Variants in NFYA observed in about 807,000 individuals in gnomAD.
NFYA encodes the protein nuclear transcription factor Y subunit alpha, also known as CAAT-box DNA binding protein subunit A.
In NFYA, 28 loss-of-function variants were observed where a neutral mutation model predicts 52.8. The ratio of observed to expected loss-of-function variants is 0.53; its 90% CI spans 0.39 to 0.73. NFYA has a LOEUF of 0.73. Ranked by LOEUF, NFYA falls within the 30% of genes least tolerant of loss-of-function variation. The pLI, the probability that NFYA is intolerant of heterozygous loss-of-function variation, is 0.00. For missense variants in NFYA, 234 were observed against 427.0 expected (o/e 0.55, Z 3.98); for synonymous variants, 150 against 150.7 (o/e 1.00, Z 0.03).
rs1255320669 is a variant in NFYA, at chr6:41,079,116, T to G, written c.27T>G (p.Asn9Lys). The change falls in exon 2 of 10, where the codon AAT becomes AAG. Residue 9 changes from asparagine (N) to lysine (K), a missense_variant. This residue lies in a region of NFYA where 118 missense variants were observed against 182.4 expected (regional missense o/e 0.65). Coordinates refer to ENST00000341376, the MANE Select transcript of NFYA (RefSeq NM_002505.5). ...TGGAGCAGTATACAGCAAACAGCAA[T>G]AGTTCGACAGAGCAGATTGTTGTCC... MEQYTANSNSSTEQIVVQA... is the reference protein window; with the variant it reads MEQYTANSKSSTEQIVVQA... 8.7e-6 allele frequency: 14 copies of G among 1,613,982 alleles called. No homozygotes were observed. The highest frequency in any genetic ancestry group is 1.2e-5 in the Non-Finnish European group (14 of 1,180,024).
intron 2 of NFYA, among the ~76,000 whole-genome samples, chr6:41,080,426 T>C (rs1490304705): frequency 6.6e-6 from 1 of 152,248 alleles, no homozygotes; most frequent in African/African-American, 2.4e-5. Context: ...CCAGAATTTT[T>C]TATGGTAGTT....
At chr6:41,090,408 A>G (rs187782663) in intron 6 of NFYA, 99 bp downstream of exon 6, 6 of 634,348 alleles carry the variant, frequency 9.5e-6, no homozygotes, top group African/African-American at 9.1e-5. Flanking sequence ...ACTTGACACT[A>G]CATATTTTTT....
intron 1 of NFYA, among the ~76,000 whole-genome samples, chr6:41,074,824 C>T (rs1488412216): frequency 6.6e-6 from 1 of 152,158 alleles, no homozygotes; most frequent in Non-Finnish European, 1.5e-5. Context: ...GGTTCTGCCC[C>T]GTGATAGTGG....
chr6:41,094,540 T>C lies in NFYA; in HGVS notation c.990+43T>C, dbSNP rs909159980. 5.9e-6 allele frequency: 9 copies of C among 1,513,942 alleles called. No homozygotes were observed. In the Admixed American group the frequency reaches 6.7e-5, roughly 11 times the overall value. The allele number at this position is 1,513,942 out of a possible 1,614,324, so 93.8% of individuals were successfully genotyped here. On this transcript the variant is annotated intron_variant, in intron 9 of 9. Coordinates refer to ENST00000341376, the MANE Select transcript of NFYA (RefSeq NM_002505.5). ...TTTTATTCTTCTCTTTATTACCTTG[T>C]ATTGACTTGAGTTGAAGCCTTCAGC...
chr6:41,090,795 T>G (rs561662127), intron 6 of NFYA, among the ~76,000 whole-genome samples: 1 of 152,234 alleles, frequency 6.6e-6, no homozygotes, highest in Non-Finnish European at 1.5e-5. Flanking sequence ...CATGGAAGTA[T>G]GTTCTAGGAA....
chr6:41,091,496 TTTTG>T (rs777101468), intron 6 of NFYA, 28 bp from the exon 7 acceptor site: 9 of 1,608,706 alleles, frequency 5.6e-6, no homozygotes, highest in African/African-American at 4.0e-5. Context: ...TGTGCCTGTT[TTTTG>T]TTTGTTTTAT....
intron 8 of NFYA, 54 bp from the exon 9 acceptor site, chr6:41,094,342 C>G: frequency 1.4e-6 from 2 of 1,472,598 alleles, no homozygotes; most frequent in Admixed American, 1.7e-5. Context: ...CACTAGATAA[C>G]TGTGCTGGTT....
At chr6:41,092,591 G>GT (rs937578542) in intron 7 of NFYA, among the ~76,000 whole-genome samples, 1 of 151,996 alleles carries the variant, frequency 6.6e-6, no homozygotes, top group African/African-American at 2.4e-5. Flanking sequence ...TTTTTGTGCT[G>GT]TTTTTTTGTC....
In NFYA at chr6:41,098,850, T is replaced by A. The variant is rs1189922178; in HGVS notation, c.*1440T>A. On this transcript the variant is annotated 3_prime_UTR_variant, in exon 10 of 10. Transcript: ENST00000341376. Reference sequence around the variant, plus strand: ...CCCAGAACGGGTTGTGCCTCAGAAATCTATTTCTCTTTTAGATGTTGAACC... The same window carrying A: ...CCCAGAACGGGTTGTGCCTCAGAAAACTATTTCTCTTTTAGATGTTGAACC... 2.0e-5 allele frequency: 3 copies of A among 152,610 alleles called. No homozygotes were observed. Among genetic ancestry groups the A allele is most frequent in the Non-Finnish European group, 4.4e-5 (3 of 68,040 alleles). 9.5% of individuals were successfully genotyped at this position (152,610 alleles called of 1,614,324 possible). A position where few individuals can be genotyped will look rare whatever the true frequency, so the allele number is the denominator to read the frequency against.
intron 5 of NFYA, among the ~76,000 whole-genome samples, chr6:41,089,947 GT>G (rs1226252215): frequency 6.6e-6 from 1 of 151,896 alleles, no homozygotes; most frequent in Non-Finnish European, 1.5e-5. Context: ...GTGAAGCCCC[GT>G]CAAAATACAA....
In NFYA at chr6:41,101,264, C is replaced by G. The variant is rs1382190829; in HGVS notation, c.*3854C>G. ...GGGTCTAAGCCCCTGGAGGCCTCGACGGTTACAGGCCTAGCCTCCCGCGAG... is the reference window on the plus strand; with the variant it reads ...GGGTCTAAGCCCCTGGAGGCCTCGAGGGTTACAGGCCTAGCCTCCCGCGAG... On this transcript the variant is annotated 3_prime_UTR_variant, in exon 10 of 10. Coordinates refer to ENST00000341376, the MANE Select transcript of NFYA (RefSeq NM_002505.5). 6.6e-6 allele frequency: 1 copy of G among 152,246 alleles called. No homozygotes were observed. The highest frequency in any genetic ancestry group is 6.5e-5 in the Admixed American group (1 of 15,288). The allele number at this position is 152,246 out of a possible 1,614,324, so 9.4% of individuals were successfully genotyped here. A position where few individuals can be genotyped will look rare whatever the true frequency, so the allele number is the denominator to read the frequency against.
Position 41,101,433 on chromosome 6 carries a change from A to G in NFYA, c.*4023A>G, listed in dbSNP as rs770966417. Among the ~76,000 whole-genome samples the G allele has an allele frequency of 6.6e-6, 1 of 152,198 alleles. No homozygotes were observed. The highest frequency in any genetic ancestry group is 2.4e-5 in the African/African-American group (1 of 41,452). On this transcript the variant is annotated 3_prime_UTR_variant, in exon 10 of 10. Coordinates refer to ENST00000341376, the MANE Select transcript of NFYA (RefSeq NM_002505.5). ...ATGATGAAATTGAAACTCAGAGGAAAGGATTTTTACAGGACCACGCCCCGG... is the reference window on the plus strand; with the variant it reads ...ATGATGAAATTGAAACTCAGAGGAAGGGATTTTTACAGGACCACGCCCCGG...
Position 41,084,779 on chromosome 6 carries a change from A to G in NFYA, c.309+587A>G, listed in dbSNP as rs749913829. Among the ~76,000 whole-genome samples, 7 of 152,352 alleles carry G rather than the reference A, an allele frequency of 4.6e-5. No homozygotes were observed. The East Asian group carries it at 7.7e-4, about 17-fold the overall frequency. On this transcript the variant is annotated intron_variant, in intron 4 of 9. Transcript: ENST00000341376. ...GGAGTTCAAGACCAGCCTGGCCAAC[A>G]TGACAAAACCCCATCTCTACTAAAA...
rs1213070806 is a variant in NFYA, at chr6:41,097,590, T to G, written c.*180T>G. ...GCAGCGATGCCTGGCAAATTGAAGT[T>G]GCAAGCCTTTGTCTTACTCTTTCAG... On this transcript the variant is annotated 3_prime_UTR_variant, in exon 10 of 10. Transcript: ENST00000341376. The G allele has an allele frequency of 1.7e-5, 10 of 605,076 alleles. No homozygotes were observed. Among genetic ancestry groups the G allele is most frequent in the Non-Finnish European group, 2.6e-5 (9 of 342,080 alleles). The allele number at this position is 605,076 out of a possible 1,614,324, so 37.5% of individuals were successfully genotyped here. A position where few individuals can be genotyped will look rare whatever the true frequency, so the allele number is the denominator to read the frequency against.
intron 4 of NFYA, among the ~76,000 whole-genome samples, chr6:41,087,487 A>C (rs968684412): frequency 1.3e-5 from 2 of 152,232 alleles, no homozygotes; most frequent in Non-Finnish European, 2.9e-5. Flanking sequence ...TGACCTGGCT[A>C]TAAAAATCTA....
At chr6:41,078,252 TGAG>T (rs1763794314) in intron 1 of NFYA, among the ~76,000 whole-genome samples, 1 of 152,216 alleles carries the variant, frequency 6.6e-6, no homozygotes, top group Non-Finnish European at 1.5e-5. Context: ...CACACTGTAT[TGAG>T]ACACCTTGCA....
intron 4 of NFYA, 23 bp downstream of exon 4, chr6:41,084,215 G>C: frequency 4.3e-6 from 7 of 1,612,290 alleles, no homozygotes; most frequent in Non-Finnish European, 5.9e-6. Flanking sequence ...TAAAAATATT[G>C]AGCAGTATAT....
At chr6:41,096,030 T>G (rs918388622) in intron 9 of NFYA, among the ~76,000 whole-genome samples, 6 of 152,208 alleles carry the variant, frequency 3.9e-5, no homozygotes, top group African/African-American at 1.4e-4. Context: ...TCCATCAAAT[T>G]AATCTCCAGT....
chr6:41,081,628 T>C (rs1763908707), intron 3 of NFYA, among the ~76,000 whole-genome samples: 1 of 152,268 alleles, frequency 6.6e-6, no homozygotes, highest in Non-Finnish European at 1.5e-5. Context: ...TAGGCTGTGC[T>C]TTATTTTTAT....
Sources: allele counts gnomAD v4.1 joint callset (sites outside exome capture counted in the v4.1 genomes callset), GRCh38; gene constraint gnomAD v4.1.1; regional missense constraint gnomAD v4.1.1; transcripts MANE v1.5; gene names NCBI Gene and HGNC (gene_info 2026-07-23, HGNC 2026-07-21).